ZNF385D: variants seen among roughly 807,000 people sequenced by gnomAD.
The protein encoded by ZNF385D is zinc finger protein 659.
Under a neutral mutation model 35.8 loss-of-function variants are expected in ZNF385D, and 15 were observed. That is an observed-to-expected ratio of 0.42 (90% CI 0.28 to 0.64). ZNF385D has a LOEUF of 0.64. Ranked by LOEUF, ZNF385D falls within the 30% of genes least tolerant of loss-of-function variation. The pLI, the probability that ZNF385D is intolerant of heterozygous loss-of-function variation, is 0.23. For missense variants in ZNF385D, 474 were observed against 494.6 expected (o/e 0.96, Z 0.39); for synonymous variants, 212 against 186.8 (o/e 1.13, Z -1.10).
At chr3:21,992,682 G>A (rs142146982) in intron 3 of ZNF385D, among the ~76,000 whole-genome samples, 9 of 152,266 alleles carry the variant, frequency 5.9e-5, no homozygotes, top group Admixed American at 2.0e-4. Flanking sequence ...AATATGATGA[G>A]CATGTTCCCA....
chr3:21,557,291 G>T (rs901962880), intron 3 of ZNF385D, among the ~76,000 whole-genome samples: 5 of 152,150 alleles, frequency 3.3e-5, no homozygotes, highest in Non-Finnish European at 5.9e-5. Flanking sequence ...GTGTGATACT[G>T]GCTGTGGGTT....
chr3:22,180,497 G>C (rs1695165710), intron 2 of ZNF385D, among the ~76,000 whole-genome samples: 1 of 152,146 alleles, frequency 6.6e-6, no homozygotes, highest in African/African-American at 2.4e-5. Context: ...GGGAATTTTA[G>C]ACCAATATCC....
At chr3:22,218,912 T>G (rs1698067410) in intron 2 of ZNF385D, among the ~76,000 whole-genome samples, 1 of 152,150 alleles carries the variant, frequency 6.6e-6, no homozygotes, top group African/African-American at 2.4e-5. Flanking sequence ...AAAATACATT[T>G]TGTAGATCAT....
intron 2 of ZNF385D, among the ~76,000 whole-genome samples, chr3:21,589,777 A>G (rs2063915744): frequency 6.6e-6 from 1 of 152,186 alleles, no homozygotes; most frequent in Admixed American, 6.5e-5. Flanking sequence ...AAAAAAATCA[A>G]AATTACTTTT....
intron 1 of ZNF385D, among the ~76,000 whole-genome samples, chr3:21,734,112 A>G (rs1575557302): frequency 6.6e-6 from 1 of 152,286 alleles, no homozygotes; most frequent in South Asian, 2.1e-4. Flanking sequence ...AAGATCAAAT[A>G]CTATTAGTAT....
intron 3 of ZNF385D, among the ~76,000 whole-genome samples, chr3:22,071,059 T>C (rs1188823217): frequency 6.6e-6 from 1 of 152,170 alleles, no homozygotes; most frequent in Non-Finnish European, 1.5e-5. Context: ...CACTGAACAC[T>C]TTGAAATAGA....
At chr3:21,592,670 C>T (rs904139450) in intron 2 of ZNF385D, among the ~76,000 whole-genome samples, 3 of 151,904 alleles carry the variant, frequency 2.0e-5, no homozygotes, top group African/African-American at 7.3e-5. Flanking sequence ...AACTCCCATT[C>T]TCAAATCAGA....
chr3:22,037,921 C>A (rs1012666126), intron 3 of ZNF385D, among the ~76,000 whole-genome samples: 1 of 152,056 alleles, frequency 6.6e-6, no homozygotes, highest in African/African-American at 2.4e-5. Flanking sequence ...ACAAATAATG[C>A]CACATATCTA....
At chr3:21,602,751 T>C (rs2064351086) in intron 2 of ZNF385D, among the ~76,000 whole-genome samples, 1 of 151,194 alleles carries the variant, frequency 6.6e-6, no homozygotes, top group Admixed American at 6.6e-5. Flanking sequence ...GCCAGGATGG[T>C]CTCGATCTCC....
chr3:22,009,761 G>A (rs1696453704), intron 3 of ZNF385D, among the ~76,000 whole-genome samples: 1 of 152,198 alleles, frequency 6.6e-6, no homozygotes, highest in East Asian at 1.9e-4. Context: ...AATCTGGATA[G>A]TAGTCACTTC....
At chr3:21,784,041 C>A (rs1000701638) in intron 3 of ZNF385D, among the ~76,000 whole-genome samples, 4 of 152,098 alleles carry the variant, frequency 2.6e-5, no homozygotes, top group Non-Finnish European at 5.9e-5. Flanking sequence ...CATTGCCAGA[C>A]TAATTCAGCA....
chr3:21,691,660 G>A (rs1426196006), intron 1 of ZNF385D, among the ~76,000 whole-genome samples: 1 of 151,954 alleles, frequency 6.6e-6, no homozygotes, highest in Non-Finnish European at 1.5e-5. Context: ...CTATAAAACT[G>A]CATTATTTGT....
In ZNF385D at chr3:22,107,784, GTAGTGTGGTATTAA is replaced by G. The variant is rs540660708; in HGVS notation, c.325+61019_325+61032del. Among the ~76,000 whole-genome samples, 7 of 152,026 alleles carry G rather than the reference GTAGTGTGGTATTAA, an allele frequency of 4.6e-5. No homozygotes were observed. In the East Asian group the frequency reaches 1.4e-3, roughly 29 times the overall value. Reference sequence around the variant, plus strand: ...CTACAGGTAAATTTTACATCCATATGTAGTGTGGTATTAATAGTGCTTGTTTATGTCTATATTTA... The same window carrying G: ...CTACAGGTAAATTTTACATCCATATGTAGTGCTTGTTTATGTCTATATTTA... On this transcript the variant is annotated intron_variant, in intron 3 of 5. Coordinates refer to the ZNF385D transcript ENST00000494108.
intron 2 of ZNF385D, among the ~76,000 whole-genome samples, chr3:21,615,793 A>AATGTGTGTGTGTGTGTGT (rs2064828268): frequency 2.1e-5 from 3 of 145,238 alleles, no homozygotes; most frequent in Non-Finnish European, 3.0e-5. Flanking sequence ...ATGGAGAAAG[A>AATGTGTGTGTGTGTGTGT]GTGTGTGTGT....
chr3:21,619,442 A>G lies in ZNF385D; in HGVS notation c.165+45444T>C, dbSNP rs1278274757. Among the ~76,000 whole-genome samples the G allele has an allele frequency of 4.0e-5, 6 of 151,068 alleles. No homozygotes were observed. In the Admixed American group the frequency reaches 4.0e-4, roughly 10 times the overall value. The stretch of plus-strand genomic sequence containing the variant: ...TGTGTGTGTGTGTGTGTGTGTGTCT[A>G]TGCATGTAAGTATGAGCATGTACAT... On this transcript the variant is annotated intron_variant, in intron 2 of 7. Coordinates refer to ENST00000281523, the MANE Select transcript of ZNF385D (RefSeq NM_024697.3).
intron 2 of ZNF385D, among the ~76,000 whole-genome samples, chr3:22,295,843 T>A (rs1013217938): frequency 2.0e-5 from 3 of 152,140 alleles, no homozygotes; most frequent in Admixed American, 6.6e-5. Context: ...CTACCACCCC[T>A]GCCTCACGGC....
At chr3:21,944,980 TC>T (rs1435293719) in intron 3 of ZNF385D, among the ~76,000 whole-genome samples, 2 of 152,072 alleles carry the variant, frequency 1.3e-5, no homozygotes, top group African/African-American at 4.8e-5. Context: ...AAATTCCCTA[TC>T]AATATGAATC....
intron 2 of ZNF385D, among the ~76,000 whole-genome samples, chr3:22,334,656 A>T (rs558239921): frequency 7.9e-5 from 12 of 152,238 alleles, no homozygotes; most frequent in African/African-American, 2.6e-4. Flanking sequence ...CAAGATTTTG[A>T]AGACATCAGT....
At chr3:21,519,252 T>C (rs1229156890) in intron 3 of ZNF385D, among the ~76,000 whole-genome samples, 1 of 152,180 alleles carries the variant, frequency 6.6e-6, no homozygotes, top group Admixed American at 6.6e-5. Context: ...AATTCTCAGA[T>C]ACATTTGGTA....
Sources: allele counts gnomAD v4.1 joint callset (sites outside exome capture counted in the v4.1 genomes callset), GRCh38; gene constraint gnomAD v4.1.1; transcripts MANE v1.5; gene names NCBI Gene and HGNC (gene_info 2026-07-23, HGNC 2026-07-21).